The following TSPAN7 variants were observed in gnomAD, a reference collection of about 807,000 sequenced individuals.
TSPAN7 encodes the protein tetraspanin-7.
In TSPAN7, 1 loss-of-function variant was observed where a neutral mutation model predicts 17.6. That is an observed-to-expected ratio of 0.06 (90% confidence interval 0.02 to 0.27). The LOEUF (loss-of-function observed/expected upper bound fraction) is 0.27, where lower values mean the gene tolerates loss of function less well. TSPAN7 is among the 10% of genes least tolerant of loss of function. TSPAN7 has a pLI of 1.00. For missense variants in TSPAN7, 112 were observed against 201.7 expected (o/e 0.56, Z 2.69); for synonymous variants, 78 against 79.0 (o/e 0.99, Z 0.07).
chrX:38,617,194 CA>C (rs1435738069), intron 1 of TSPAN7, among the ~76,000 whole-genome samples: 1 of 111,833 alleles, frequency 8.9e-6, no homozygotes, highest in African/African-American at 3.3e-5. Context: ...TCATCTTTTT[CA>C]AGTAGAGATT....
intron 1 of TSPAN7, chrX:38,646,316 A>G: frequency 8.7e-7 from 1 of 1,153,157 alleles, no homozygotes; most frequent in Non-Finnish European, 1.1e-6. Context: ...GGCTTTGGTA[A>G]GTAAATTTTG....
At chrX:38,646,356 G>T in intron 1 of TSPAN7, 2 of 1,074,641 alleles carry the variant, frequency 1.9e-6, no homozygotes, top group Non-Finnish European at 2.5e-6. Context: ...AAATATTAAT[G>T]TGTGTAGCTG....
At chrX:38,629,059 A>T (rs2069536766) in intron 1 of TSPAN7, among the ~76,000 whole-genome samples, 1 of 112,439 alleles carries the variant, frequency 8.9e-6, no homozygotes, top group Non-Finnish European at 1.9e-5. Context: ...CTTGTGAGTG[A>T]TTTTAAATTA....
chrX:38,621,537 A>T (rs964468667), intron 1 of TSPAN7, among the ~76,000 whole-genome samples: 16 of 111,944 alleles, frequency 1.4e-4, no homozygotes, highest in Admixed American at 1.4e-3. Context: ...AGTAAAATGT[A>T]AGGCTGTAAG....
At chrX:38,582,189 T>C (rs192324832) in intron 1 of TSPAN7, among the ~76,000 whole-genome samples, 7 of 112,705 alleles carry the variant, frequency 6.2e-5, no homozygotes, top group East Asian at 5.6e-4. Flanking sequence ...GGTATTAGCA[T>C]TGGAGAAAGT....
chrX:38,630,875 A>G (rs2069546617), intron 1 of TSPAN7, among the ~76,000 whole-genome samples: 2 of 111,805 alleles, frequency 1.8e-5, no homozygotes, highest in Non-Finnish European at 3.8e-5. Context: ...CCTCTGCGCT[A>G]TGTGAGAACA....
chrX:38,685,194 A>G (rs2147460271), intron 6 of TSPAN7, among the ~76,000 whole-genome samples: 1 of 111,747 alleles, frequency 8.9e-6, no homozygotes, highest in East Asian at 2.8e-4. Flanking sequence ...CTATTCTTAG[A>G]TAGGACAAGA....
Position 38,603,105 on chromosome X carries a change from G to A in TSPAN7, c.81+41478G>A, listed in dbSNP as rs182657657. Among the ~76,000 whole-genome samples, 12 of 111,568 alleles carry A rather than the reference G, an allele frequency of 1.1e-4. No individual in the cohort carries two copies. The East Asian group carries it at 3.4e-3, about 32-fold the overall frequency. On this transcript the variant is annotated intron_variant, in intron 1 of 7. Transcript: ENST00000378482. ...TTAAAAGGCAAATAATTAAAAAATG[G>A]GCAAAGAATCTAAATAGACATTTCT...
chrX:38,662,211 A>G (rs764667046), intron 1 of TSPAN7, among the ~76,000 whole-genome samples: 2 of 111,236 alleles, frequency 1.8e-5, no homozygotes, highest in East Asian at 5.7e-4. Flanking sequence ...CCGCAGCCTA[A>G]CCATTTTCTC....
In TSPAN7 at chrX:38,671,243, A is replaced by AT. The variant is rs1182073498; in HGVS notation, c.271-126dup. The AT allele has an allele frequency of 9.4e-6, 6 of 636,091 alleles. No individual in the cohort carries two copies. In the Admixed American group the frequency reaches 1.2e-4, roughly 12 times the overall value. The allele number at this position is 636,091 out of a possible 1,213,427, so 52.4% of individuals were successfully genotyped here. A position where few individuals can be genotyped will look rare whatever the true frequency, so the allele number is the denominator to read the frequency against. ...GTAAATTTAGAGACGAATGTTTTAT[A>AT]TTTTTTTCTAAACTTTGTCTAGGGA... On this transcript the variant is annotated intron_variant, in intron 2 of 7. Transcript: ENST00000378482.
intron 1 of TSPAN7, among the ~76,000 whole-genome samples, chrX:38,580,975 G>A (rs1311369515): frequency 8.9e-6 from 1 of 112,328 alleles, no homozygotes; most frequent in African/African-American, 3.2e-5. Flanking sequence ...GCCAAGGCTT[G>A]ATGCACAAGG....
intron 1 of TSPAN7, among the ~76,000 whole-genome samples, chrX:38,598,474 G>A (rs2069330005): frequency 9.0e-6 from 1 of 111,053 alleles, no homozygotes; most frequent in South Asian, 3.8e-4. Context: ...CTACCAGGAA[G>A]TTGATTCCTG....
At chrX:38,644,763 T>C (rs930554352) in intron 1 of TSPAN7, among the ~76,000 whole-genome samples, 1 of 112,416 alleles carries the variant, frequency 8.9e-6, no homozygotes, top group African/African-American at 3.2e-5. Context: ...GTAGCTAACA[T>C]TGATTGAATG....
chrX:38,633,001 T>TCACCCA (rs2069559300), intron 1 of TSPAN7, among the ~76,000 whole-genome samples: 1 of 112,483 alleles, frequency 8.9e-6, no homozygotes, highest in South Asian at 3.7e-4. Flanking sequence ...GCATACGACC[T>TCACCCA]CACCCAGTAG....
intron 1 of TSPAN7, among the ~76,000 whole-genome samples, chrX:38,664,626 G>A (rs1377721874): frequency 8.9e-6 from 1 of 112,241 alleles, no homozygotes; most frequent in African/African-American, 3.2e-5. Context: ...AAATATTAGT[G>A]TCAAACACTT....
At chrX:38,623,927 G>A (rs5917213) in intron 1 of TSPAN7, among the ~76,000 whole-genome samples, 1 of 72,904 alleles carries the variant, frequency 1.4e-5, no homozygotes, top group Non-Finnish European at 2.4e-5. Flanking sequence ...GCCTTTGGTA[G>A]AGTCACAAGG....
At chrX:38,673,282 T>G (rs1234611964) in intron 3 of TSPAN7, among the ~76,000 whole-genome samples, 1 of 111,191 alleles carries the variant, frequency 9.0e-6, no homozygotes, top group African/African-American at 3.3e-5. Context: ...CATTCGACAT[T>G]CCACCTTCAT....
intron 1 of TSPAN7, among the ~76,000 whole-genome samples, chrX:38,628,723 GTTAT>G (rs1263882393): frequency 1.8e-5 from 2 of 111,850 alleles, no homozygotes; most frequent in African/African-American, 6.5e-5. Context: ...GGAAAACTGA[GTTAT>G]TTATCAATTT....
At chrX:38,588,184 A>T (rs1166738875) in intron 1 of TSPAN7, among the ~76,000 whole-genome samples, 1 of 110,838 alleles carries the variant, frequency 9.0e-6, no homozygotes, top group Non-Finnish European at 1.9e-5. Flanking sequence ...TTTCATAGGG[A>T]GTTTGCTAAT....
Sources: gnomAD v4.1 joint callset for allele counts (sites outside exome capture counted in the v4.1 genomes callset) on GRCh38, gnomAD v4.1.1 for gene constraint, MANE v1.5 for transcripts, NCBI Gene and HGNC (gene_info 2026-07-23, HGNC 2026-07-21) for gene names.